Variants in EFCAB7 observed in about 807,000 individuals in gnomAD.
The protein encoded by EFCAB7 is EF-hand calcium-binding domain-containing protein 7.
In EFCAB7, 66 loss-of-function variants were observed where a neutral mutation model predicts 77.1. The ratio of observed to expected loss-of-function variants is 0.86; its 90% CI spans 0.70 to 1.05. EFCAB7 has a LOEUF of 1.05. EFCAB7 is among the 50% of genes least tolerant of loss of function. The pLI is 0.00. For synonymous variants in EFCAB7, 225 were observed against 243.3 expected (o/e 0.92, Z 0.70); for missense variants, 638 against 730.5 (o/e 0.87, Z 1.46).
the EFCAB7 span, among the ~76,000 whole-genome samples, chr1:63,580,464 C>A: frequency 2.4e-4 from 36 of 152,160 alleles, no homozygotes; most frequent in Admixed American, 2.4e-3. Flanking sequence ...ACTACATTGT[C>A]CTGATTACAG....
At chr1:63,530,431 G>A (rs1646675695) in intron 2 of EFCAB7, among the ~76,000 whole-genome samples, 1 of 152,066 alleles carries the variant, frequency 6.6e-6, no homozygotes, top group Non-Finnish European at 1.5e-5. Flanking sequence ...TTTATCATTG[G>A]TTCATTTTAG....
intron 11 of EFCAB7, among the ~76,000 whole-genome samples, chr1:63,563,458 A>G (rs558263000): frequency 1.3e-5 from 2 of 152,222 alleles, no homozygotes; most frequent in East Asian, 3.9e-4. Flanking sequence ...GCTCATTTAT[A>G]TAGGGTTTTG....
Position 63,557,514 on chromosome 1 carries a change from C to CA in EFCAB7, c.1348+273dup, listed in dbSNP as rs544425298. Reference sequence around the variant, plus strand: ...TCTCTACTCTTCGGGGTTTAGAAGACAAAAAACTTGTCCTTGCGCTTGATA... The same window carrying CA: ...TCTCTACTCTTCGGGGTTTAGAAGACAAAAAAACTTGTCCTTGCGCTTGATA... On this transcript the variant is annotated intron_variant, in intron 10 of 13. Transcript: ENST00000371088. 1.1e-4 allele frequency among the ~76,000 whole-genome samples: 17 copies of CA among 152,232 alleles called. 1 individual carries two copies. In the South Asian group the frequency reaches 3.3e-3, roughly 30 times the overall value.
intron 5 of EFCAB7, 46 bp downstream of exon 5, chr1:63,533,695 T>C (rs1468774663): frequency 1.5e-6 from 2 of 1,375,618 alleles, no homozygotes; most frequent in Non-Finnish European, 2.0e-6. Context: ...AAATGAAGAG[T>C]CATATTCAGA....
At chr1:63,543,110 T>TG (rs1298850610) in intron 6 of EFCAB7, among the ~76,000 whole-genome samples, 1 of 152,200 alleles carries the variant, frequency 6.6e-6, no homozygotes, top group African/African-American at 2.4e-5. Context: ...GAGTTAATTT[T>TG]TATGTGTTGC....
In EFCAB7 at chr1:63,523,543, A is replaced by G. The variant is rs1646514264; in HGVS notation, c.-93A>G. The G allele has an allele frequency of 1.3e-4, 35 of 261,404 alleles. 1 individual carries two copies. The highest frequency in any genetic ancestry group is 1.3e-3 in the South Asian group (31 of 23,258). 16.2% of individuals were successfully genotyped at this position (261,404 alleles called of 1,614,324 possible). On this transcript the variant is annotated 5_prime_UTR_variant, in exon 1 of 14. Coordinates refer to ENST00000371088, the MANE Select transcript of EFCAB7 (RefSeq NM_032437.4). ...GAGGTGCAGTTGCCATGGTGATTAG[A>G]GAAAGGCCGAGATCTGTCCAGCTGC...
At chr1:63,525,315 A>G (rs1472435889) in intron 1 of EFCAB7, among the ~76,000 whole-genome samples, 1 of 152,180 alleles carries the variant, frequency 6.6e-6, no homozygotes, top group Non-Finnish European at 1.5e-5. Context: ...ATATATACAT[A>G]TGTATATATC....
At chr1:63,565,218 G>A (rs1487455553) in intron 11 of EFCAB7, among the ~76,000 whole-genome samples, 2 of 152,062 alleles carry the variant, frequency 1.3e-5, no homozygotes, top group African/African-American at 4.8e-5. Context: ...AATTAGCTGG[G>A]CATGGTGGCA....
chr1:63,558,797 CTG>C (rs964873186), intron 10 of EFCAB7, among the ~76,000 whole-genome samples: 1 of 151,926 alleles, frequency 6.6e-6, no homozygotes, highest in African/African-American at 2.4e-5. Context: ...GAGTCTCACA[CTG>C]TTGCCCAGGC....
chr1:63,562,273 T>A (rs1338240890), intron 11 of EFCAB7, among the ~76,000 whole-genome samples: 2 of 151,500 alleles, frequency 1.3e-5, no homozygotes, highest in Non-Finnish European at 2.9e-5. Flanking sequence ...AAGGGTACTT[T>A]TGGGGTTAAT....
chr1:63,580,710 A>G, the EFCAB7 span, among the ~76,000 whole-genome samples: 1 of 152,194 alleles, frequency 6.6e-6, no homozygotes, highest in Non-Finnish European at 1.5e-5. Context: ...CAATTCATGA[A>G]CATAGTATTG....
intron 6 of EFCAB7, among the ~76,000 whole-genome samples, chr1:63,544,894 T>C (rs1056589452): frequency 3.3e-5 from 5 of 152,068 alleles, no homozygotes; most frequent in African/African-American, 1.2e-4. Flanking sequence ...TTATTACTTT[T>C]TTCAATACTT....
chr1:63,532,655 G>GTT lies in EFCAB7; in HGVS notation c.400-5_400-4dup, dbSNP rs72163225. On this transcript the variant is annotated splice_polypyrimidine_tract_variant and intron_variant, in intron 3 of 13. Transcript: ENST00000371088. ...ATCATGTTGCTTTAAAATAAATCTT[G>GTT]TTTTTTTTTTTCAGAGAGGTGAGAA... 2.2e-4 allele frequency: 267 copies of GTT among 1,203,434 alleles called. No individual in the cohort carries two copies. Among genetic ancestry groups the GTT allele is most frequent in the South Asian group, 6.2e-4 (40 of 64,738 alleles). The allele number at this position is 1,203,434 out of a possible 1,614,324, so 74.5% of individuals were successfully genotyped here. A position where few individuals can be genotyped will look rare whatever the true frequency, so the allele number is the denominator to read the frequency against.
chr1:63,551,872 A>G lies in EFCAB7; in HGVS notation c.1056+38A>G, dbSNP rs1646969707. On this transcript the variant is annotated intron_variant, in intron 8 of 13. Transcript: ENST00000371088. Reference sequence around the variant, plus strand: ...ATTTTCTAATGTTTAATTTTTAAATATAGTATGAACTGCAGTTTGGGGAAA... The same window carrying G: ...ATTTTCTAATGTTTAATTTTTAAATGTAGTATGAACTGCAGTTTGGGGAAA... 3 of 1,360,572 alleles carry G rather than the reference A, an allele frequency of 2.2e-6. No homozygotes were observed. The South Asian group carries it at 4.4e-5, about 20-fold the overall frequency. The allele number at this position is 1,360,572 out of a possible 1,614,324, so 84.3% of individuals were successfully genotyped here.
intron 2 of EFCAB7, among the ~76,000 whole-genome samples, chr1:63,528,894 G>A (rs1194115336): frequency 2.0e-5 from 3 of 151,964 alleles, no homozygotes; most frequent in Admixed American, 2.0e-4. Flanking sequence ...ATTATTAGTA[G>A]CAGTAGTGTA....
intron 8 of EFCAB7, among the ~76,000 whole-genome samples, chr1:63,554,072 C>G (rs1646998074): frequency 6.6e-6 from 1 of 152,120 alleles, no homozygotes; most frequent in Non-Finnish European, 1.5e-5. Context: ...ATCTTTCCAC[C>G]TTGGCTTCCC....
intron 7 of EFCAB7, among the ~76,000 whole-genome samples, chr1:63,546,318 GAAAAT>G (rs1467190308): frequency 6.7e-6 from 1 of 150,272 alleles, no homozygotes; most frequent in African/African-American, 2.4e-5. Context: ...TAAGATAGAA[GAAAAT>G]AAAAGAAAAA....
intron 7 of EFCAB7, among the ~76,000 whole-genome samples, chr1:63,546,709 A>G (rs1391370133): frequency 4.6e-5 from 7 of 152,132 alleles, no homozygotes; most frequent in Non-Finnish European, 8.8e-5. Flanking sequence ...AGCTTTTTCC[A>G]TTTGTCAATT....
chr1:63,531,772 C>T (rs1646699458), intron 2 of EFCAB7, 48 bp from the exon 3 acceptor site: 1 of 1,545,090 alleles, frequency 6.5e-7, no homozygotes, highest in African/African-American at 1.4e-5. Context: ...CGCTTAAGTA[C>T]AAATTCCAGG....
Sources: gnomAD v4.1 joint callset for allele counts (sites outside exome capture counted in the v4.1 genomes callset) on GRCh38, gnomAD v4.1.1 for gene constraint, MANE v1.5 for transcripts, NCBI Gene and HGNC (gene_info 2026-07-23, HGNC 2026-07-21) for gene names.